Variants in ANO1 observed in about 807,000 individuals in gnomAD.
ANO1 encodes anoctamin-1.
In ANO1, 59 loss-of-function variants were observed where a neutral mutation model predicts 124.0. That is an observed-to-expected ratio of 0.48 (90% CI 0.39 to 0.59). ANO1 has a LOEUF of 0.59. Ranked by LOEUF, ANO1 falls within the 20% of genes least tolerant of loss-of-function variation. The pLI, the probability that ANO1 is intolerant of heterozygous loss-of-function variation, is 0.00. For missense variants in ANO1, 1,059 were observed against 1,328.0 expected, an observed-to-expected ratio of 0.80 and a Z score of 3.15; for synonymous variants, 529 against 532.0, an observed-to-expected ratio of 0.99 and a Z score of 0.08.
the ANO1 span, among the ~76,000 whole-genome samples, chr11:69,967,829 A>T: frequency 6.6e-6 from 1 of 152,192 alleles, no homozygotes; most frequent in Non-Finnish European, 1.5e-5. Flanking sequence ...GAGAATTCAG[A>T]GTCCTAGCCC....
In ANO1 at chr11:70,010,179, G is replaced by GTA. The variant is rs71926266; in HGVS notation, c.58+24031_58+24032dup. ...TGTGTGTGTGTGCGCGTGTGTGTGT[G>GTA]TATATATATATATATATATCACATT... On this transcript the variant is annotated intron_variant, in intron 1 of 27. Transcript: ENST00000531349. 4.9e-3 allele frequency among the ~76,000 whole-genome samples: 414 copies of GTA among 83,792 alleles called. 55 individuals carry two copies. In the East Asian group the frequency reaches 0.11, roughly 21 times the overall value. The allele number at this position is 83,792 out of a possible 152,430, so 55.0% of individuals were successfully genotyped here. A position where few individuals can be genotyped will look rare whatever the true frequency, so the allele number is the denominator to read the frequency against.
chr11:70,041,010 AG>A (rs1162012284), intron 1 of ANO1, among the ~76,000 whole-genome samples: 1 of 152,226 alleles, frequency 6.6e-6, no homozygotes, highest in Non-Finnish European at 1.5e-5. Flanking sequence ...CCTGATGGAC[AG>A]GGTTCAGGCA....
chr11:70,141,867 G>A (rs913255897), intron 11 of ANO1, among the ~76,000 whole-genome samples: 1 of 152,186 alleles, frequency 6.6e-6, no homozygotes, highest in Admixed American at 6.5e-5. Flanking sequence ...CAATGGCAAA[G>A]AGACAGAAAC....
chr11:69,969,332 T>C, the ANO1 span, among the ~76,000 whole-genome samples: 15 of 152,178 alleles, frequency 9.9e-5, no homozygotes, highest in African/African-American at 2.7e-4. Flanking sequence ...TGGTCTGAGG[T>C]GTGGCTGGAT....
intron 1 of ANO1, among the ~76,000 whole-genome samples, chr11:70,047,037 G>A (rs1462763166): frequency 2.1e-5 from 3 of 144,158 alleles, no homozygotes; most frequent in African/African-American, 5.3e-5. Context: ...CCAAGATCAC[G>A]CCATTGTATT....
In ANO1 at chr11:70,171,368, C is replaced by T. The variant is rs184970610; in HGVS notation, c.2350+329C>T. Among the ~76,000 whole-genome samples the T allele has an allele frequency of 1.1e-4, 15 of 136,672 alleles. No individual in the cohort carries two copies. In the East Asian group the frequency reaches 1.4e-3, roughly 13 times the overall value. The allele number at this position is 136,672 out of a possible 152,430, so 89.7% of individuals were successfully genotyped here. A position where few individuals can be genotyped will look rare whatever the true frequency, so the allele number is the denominator to read the frequency against. ...CCTCTCTGATGGCTGGCGACACCCA[C>T]CTGTAGCAATTGTGTGACCCCCAGA... On this transcript the variant is annotated intron_variant, in intron 22 of 25. Coordinates refer to ENST00000355303, the MANE Select transcript of ANO1 (RefSeq NM_018043.7).
At chr11:70,071,539 T>C (rs1857874137) in intron 1 of ANO1, among the ~76,000 whole-genome samples, 1 of 152,194 alleles carries the variant, frequency 6.6e-6, no homozygotes, top group Non-Finnish European at 1.5e-5. Context: ...TGAAATAAGA[T>C]ATGCCGTAAA....
At chr11:70,013,804 A>AAAAGAAAAG (rs1856645816) in intron 1 of ANO1, among the ~76,000 whole-genome samples, 8 of 130,416 alleles carry the variant, frequency 6.1e-5, no homozygotes, top group African/African-American at 2.1e-4. Flanking sequence ...TCCATCTAAA[A>AAAAGAAAAG]AAAAGAAAAG....
chr11:70,169,494 C>A (rs560964435), intron 21 of ANO1, among the ~76,000 whole-genome samples: 6 of 151,416 alleles, frequency 4.0e-5, no homozygotes, highest in Non-Finnish European at 8.9e-5. Context: ...GGCAGCGCCT[C>A]CAGCTCCCTG....
chr11:70,031,217 T>C (rs1182977904), intron 1 of ANO1, among the ~76,000 whole-genome samples: 3 of 152,224 alleles, frequency 2.0e-5, no homozygotes, highest in Non-Finnish European at 4.4e-5. Context: ...AGTGCTGGAA[T>C]GACAGGTGTG....
intron 1 of ANO1, among the ~76,000 whole-genome samples, chr11:70,005,068 G>A (rs1189314042): frequency 2.7e-5 from 4 of 146,238 alleles, no homozygotes; most frequent in African/African-American, 1.0e-4. Context: ...AGCCGAGATC[G>A]TGCCACTGCA....
chr11:70,145,232 T>C (rs1167047303), intron 11 of ANO1, among the ~76,000 whole-genome samples: 1 of 152,134 alleles, frequency 6.6e-6, no homozygotes, highest in Non-Finnish European at 1.5e-5. Context: ...AGCACGAGCC[T>C]TCACATTCCT....
intron 2 of ANO1, among the ~76,000 whole-genome samples, chr11:70,101,913 C>T (rs1310209060): frequency 6.6e-6 from 1 of 152,230 alleles, no homozygotes; most frequent in Non-Finnish European, 1.5e-5. Context: ...AAGGCCCCCA[C>T]TGCCTTTAGG....
intron 20 of ANO1, 31 bp from the exon 21 acceptor site, chr11:70,167,211 A>G (rs768813342): frequency 6.2e-7 from 1 of 1,611,464 alleles, no homozygotes. Flanking sequence ...ACCCTCCTGC[A>G]AACCTAACTG....
At chr11:70,172,133 A>AAAAAGC (rs1555052165) in intron 22 of ANO1, among the ~76,000 whole-genome samples, 1 of 93,696 alleles carries the variant, frequency 1.1e-5, no homozygotes, top group East Asian at 5.0e-4. Context: ...AAAAAAAAAA[A>AAAAAGC]AAAGAAAAGA....
At position 70,167,381 on chromosome 11, in the gene ANO1, G is replaced by T. The variant is rs777883818; in HGVS notation, c.2191G>T (p.Glu731Ter). Residue 731 changes from glutamate (E) to a stop codon, truncating the protein, a stop_gained, in exon 21 of 26, where the codon GAA becomes TAA. Coordinates refer to ENST00000355303, the MANE Select transcript of ANO1 (RefSeq NM_018043.7). LOFTEE classifies it high-confidence loss of function. ...PFAGLTPEYM[E>*]MIIQFGFVTL... ...CGCGGGCCTCACCCCAGAGTACATG[G>T]AAATGAGTGAGTGATGGCCGGGGCA... 1 of 1,611,240 alleles carries T rather than the reference G, an allele frequency of 6.2e-7. No homozygotes were observed. The highest frequency in any genetic ancestry group is 8.5e-7 in the Non-Finnish European group (1 of 1,178,550).
intron 17 of ANO1, 99 bp from the exon 18 acceptor site, chr11:70,161,523 C>T: frequency 7.0e-7 from 1 of 1,427,654 alleles, no homozygotes; most frequent in East Asian, 2.3e-5. Context: ...CCTATGAGAG[C>T]CGACTGAGTG....
Position 70,126,200 on chromosome 11 carries a change from G to T in ANO1, c.1097+5G>T. On this transcript the variant is annotated splice_donor_5th_base_variant and intron_variant, in intron 10 of 25. Transcript: ENST00000355303. Reference sequence around the variant, plus strand: ...CATGGATGAAAACATCCCCAGGTAGGCGGCAGCCCACCCCCACCACCCCGC... The same window carrying T: ...CATGGATGAAAACATCCCCAGGTAGTCGGCAGCCCACCCCCACCACCCCGC... 1 of 1,610,332 alleles carries T rather than the reference G, an allele frequency of 6.2e-7. No homozygotes were observed. Among genetic ancestry groups the T allele is most frequent in the South Asian group, 1.1e-5 (1 of 90,250 alleles).
At chr11:69,974,448 A>G in the ANO1 span, among the ~76,000 whole-genome samples, 1 of 152,248 alleles carries the variant, frequency 6.6e-6, no homozygotes, top group African/African-American at 2.4e-5. Context: ...GCTAGGTACT[A>G]TCATGAACGA....
Sources: allele counts gnomAD v4.1 joint callset (sites outside exome capture counted in the v4.1 genomes callset), GRCh38; gene constraint gnomAD v4.1.1; transcripts MANE v1.5; gene names NCBI Gene and HGNC (gene_info 2026-07-23, HGNC 2026-07-21).